The following BBS9 variants were observed in gnomAD, a reference collection of about 807,000 sequenced individuals.
BBS9 encodes protein PTHB1.
Under a neutral mutation model 117.7 loss-of-function variants are expected in BBS9, and 89 were observed. That is an observed-to-expected ratio of 0.76 (90% CI 0.64 to 0.90). The LOEUF is 0.90. BBS9 is among the 40% of genes least tolerant of loss of function. The pLI is 0.00. For missense variants in BBS9, 982 were observed against 1,042.2 expected, an observed-to-expected ratio of 0.94 and a Z score of 0.80; for synonymous variants, 379 against 370.9, an observed-to-expected ratio of 1.02 and a Z score of -0.25.
intron 10 of BBS9, among the ~76,000 whole-genome samples, chr7:33,338,872 A>G (rs1815931917): frequency 6.6e-6 from 1 of 152,186 alleles, no homozygotes; most frequent in African/African-American, 2.4e-5. Context: ...AGTATGAAGG[A>G]CTGGGTGCAA....
In BBS9 at chr7:33,390,382, G is replaced by T. The variant is rs1021223170; in HGVS notation, c.2115+2238G>T. The T allele has an allele frequency of 3.0e-6, 3 of 985,192 alleles. No homozygotes were observed. In the East Asian group the frequency reaches 3.4e-4, roughly 112 times the overall value. The allele number at this position is 985,192 out of a possible 1,614,324, so 61.0% of individuals were successfully genotyped here. ...TTTTCTGCTTAGCCTCAAGGTTGAG[G>T]TTTTCCATGATTTGTAATATTACAG... On this transcript the variant is annotated intron_variant, in intron 19 of 22. Transcript: ENST00000242067.
intron 11 of BBS9, 68 bp from the exon 12 acceptor site, chr7:33,344,513 T>G: frequency 7.6e-7 from 1 of 1,322,008 alleles, no homozygotes; most frequent in East Asian, 2.3e-5. Context: ...ATTGCACTCA[T>G]TGTGTTCACT....
chr7:33,293,503 C>G (rs1316174656), intron 9 of BBS9, among the ~76,000 whole-genome samples: 2 of 152,010 alleles, frequency 1.3e-5, no homozygotes, highest in African/African-American at 2.4e-5. Context: ...ATAATGCAGA[C>G]TTGTATTGTT....
chr7:33,446,481 C>A (rs1311818946), intron 19 of BBS9, among the ~76,000 whole-genome samples: 1 of 152,200 alleles, frequency 6.6e-6, no homozygotes, highest in East Asian at 1.9e-4. Context: ...TATATCAAGT[C>A]TAAAAGCAGG....
chr7:33,530,035 G>T (rs1181227975), intron 20 of BBS9, among the ~76,000 whole-genome samples: 1 of 152,138 alleles, frequency 6.6e-6, no homozygotes, highest in Non-Finnish European at 1.5e-5. Context: ...TGAGATTCTA[G>T]ATTCCACAGT....
chr7:33,164,780 C>G (rs1795406052), intron 4 of BBS9, among the ~76,000 whole-genome samples: 1 of 152,038 alleles, frequency 6.6e-6, no homozygotes, highest in Non-Finnish European at 1.5e-5. Flanking sequence ...TGGACTCTAT[C>G]CAATTTGCCA....
intron 5 of BBS9, among the ~76,000 whole-genome samples, chr7:33,195,064 T>C (rs1352213543): frequency 6.6e-6 from 1 of 152,188 alleles, no homozygotes; most frequent in Non-Finnish European, 1.5e-5. Flanking sequence ...TAGTAACTGT[T>C]ATTTAATTGC....
chr7:33,476,283 T>C lies in BBS9; in HGVS notation c.2116-29180T>C, dbSNP rs138842461. Among the ~76,000 whole-genome samples the C allele has an allele frequency of 5.1e-3, 772 of 152,306 alleles. 9 individuals are homozygous for C. Among genetic ancestry groups the C allele is most frequent in the African/African-American group, 0.017 (696 of 41,552 alleles). ...ATAGTGTTGGATTCCACTTGGACTA[T>C]TTATATGGGTAATAAAGCCATGGTG... On this transcript the variant is annotated intron_variant, in intron 19 of 22. Transcript: ENST00000242067.
At chr7:33,615,411 T>C (rs1273979037) in intron 21 of BBS9, among the ~76,000 whole-genome samples, 2 of 151,960 alleles carry the variant, frequency 1.3e-5, no homozygotes, top group Non-Finnish European at 2.9e-5. Flanking sequence ...ATTCTAAGAA[T>C]TAAGAAGTGC....
chr7:33,186,510 T>C (rs1783159245), intron 5 of BBS9, among the ~76,000 whole-genome samples: 1 of 152,212 alleles, frequency 6.6e-6, no homozygotes, highest in Non-Finnish European at 1.5e-5. Flanking sequence ...TAGTTTGGTT[T>C]GGCTAAAGTT....
At chr7:33,365,140 T>G (rs1196219488) in intron 16 of BBS9, among the ~76,000 whole-genome samples, 1 of 152,118 alleles carries the variant, frequency 6.6e-6, no homozygotes, top group Non-Finnish European at 1.5e-5. Flanking sequence ...AACAATTATT[T>G]TGAATTCTTT....
intron 19 of BBS9, among the ~76,000 whole-genome samples, chr7:33,495,735 G>A (rs1390997687): frequency 1.3e-5 from 2 of 152,116 alleles, no homozygotes; most frequent in Non-Finnish European, 2.9e-5. Flanking sequence ...AAAATAGTAA[G>A]CAGGCTTGAG....
At chr7:33,437,960 A>G (rs1425309521) in intron 19 of BBS9, among the ~76,000 whole-genome samples, 1 of 152,212 alleles carries the variant, frequency 6.6e-6, no homozygotes, top group Non-Finnish European at 1.5e-5. Flanking sequence ...TTTGCTGGAC[A>G]TGGTGTTAAG....
At chr7:33,520,011 G>GTTTT (rs869240274) in intron 20 of BBS9, among the ~76,000 whole-genome samples, 1 of 140,554 alleles carries the variant, frequency 7.1e-6, no homozygotes, top group Admixed American at 7.2e-5. Flanking sequence ...TCTGAAATAG[G>GTTTT]TTTTTTTTTT....
Position 33,148,824 on chromosome 7 carries a change from T to C in BBS9, c.112+2460T>C, listed in dbSNP as rs529858918. Among the ~76,000 whole-genome samples the C allele has an allele frequency of 2.0e-5, 3 of 152,140 alleles. No homozygotes were observed. The South Asian group carries it at 6.2e-4, about 32-fold the overall frequency. ...TTTTTGTACAGACAGTGTCTCCTTGTGTTGCCCAGGCTGGTCTTGAACTTC... is the reference window on the plus strand; with the variant it reads ...TTTTTGTACAGACAGTGTCTCCTTGCGTTGCCCAGGCTGGTCTTGAACTTC... On this transcript the variant is annotated intron_variant, in intron 2 of 22. Coordinates refer to ENST00000242067, the MANE Select transcript of BBS9 (RefSeq NM_198428.3).
intron 21 of BBS9, among the ~76,000 whole-genome samples, chr7:33,565,781 GTATATATA>G (rs70989957): frequency 0.024 from 1,577 of 65,038 alleles, 33 homozygotes; most frequent in Non-Finnish European, 0.034. Flanking sequence ...GCTATCAGTA[GTATATATA>G]TATATATATA....
intron 2 of BBS9, among the ~76,000 whole-genome samples, chr7:33,147,570 C>T (rs995444803): frequency 6.6e-6 from 1 of 152,130 alleles, no homozygotes; most frequent in Non-Finnish European, 1.5e-5. Flanking sequence ...CTCAACCCTG[C>T]CTCTGCCCCC....
At chr7:33,566,569 A>G (rs888937152) in intron 21 of BBS9, among the ~76,000 whole-genome samples, 12 of 152,094 alleles carry the variant, frequency 7.9e-5, no homozygotes, top group African/African-American at 2.4e-4. Context: ...AGAAGTATCT[A>G]TGATTTGAAA....
At chr7:33,282,718 G>T (rs1802139294) in intron 9 of BBS9, among the ~76,000 whole-genome samples, 1 of 152,114 alleles carries the variant, frequency 6.6e-6, no homozygotes. Context: ...GTGGAAAAAA[G>T]AAATAGCTGA....
Sources: gnomAD v4.1 joint callset for allele counts (sites outside exome capture counted in the v4.1 genomes callset) on GRCh38, gnomAD v4.1.1 for gene constraint, MANE v1.5 for transcripts, NCBI Gene and HGNC (gene_info 2026-07-23, HGNC 2026-07-21) for gene names.